TENM2: variants seen among roughly 807,000 people sequenced by gnomAD.
TENM2 encodes the protein teneurin-2.
In TENM2, 52 loss-of-function variants were observed where a neutral mutation model predicts 245.2. That is an observed-to-expected ratio of 0.21 (90% CI 0.17 to 0.27). TENM2 has a LOEUF of 0.27. Among genes scored for constraint, TENM2 ranks in the 10% least tolerant of loss-of-function variants. TENM2 has a pLI of 1.00. For synonymous variants in TENM2, 1,363 were observed against 1,438.9 expected, an observed-to-expected ratio of 0.95 and a Z score of 1.19; for missense variants, 3,046 against 3,666.8, an observed-to-expected ratio of 0.83 and a Z score of 4.37.
chr5:167,512,481 T>C (rs1770034387), intron 2 of TENM2, among the ~76,000 whole-genome samples: 1 of 152,066 alleles, frequency 6.6e-6, no homozygotes, highest in South Asian at 2.1e-4. Context: ...TTATACAGAT[T>C]ACAATCCCTA....
intron 2 of TENM2, among the ~76,000 whole-genome samples, chr5:167,667,836 A>G (rs1755672111): frequency 6.6e-6 from 1 of 152,178 alleles, no homozygotes; most frequent in African/African-American, 2.4e-5. Context: ...TGTGTTGTGA[A>G]GGCCAGGGAA....
At chr5:167,162,857 A>G in the TENM2 span, among the ~76,000 whole-genome samples, 2 of 152,172 alleles carry the variant, frequency 1.3e-5, no homozygotes, top group Non-Finnish European at 2.9e-5. Context: ...AATTATTTCA[A>G]CCTGTTGAGA....
intron 2 of TENM2, among the ~76,000 whole-genome samples, chr5:167,726,867 T>C (rs1760045847): frequency 6.6e-6 from 1 of 152,146 alleles, no homozygotes; most frequent in Non-Finnish European, 1.5e-5. Flanking sequence ...GCAACATTCC[T>C]CAACTCCCCT....
intron 2 of TENM2, among the ~76,000 whole-genome samples, chr5:167,418,651 A>ATT (rs1763307043): frequency 6.6e-6 from 1 of 152,172 alleles, no homozygotes; most frequent in Non-Finnish European, 1.5e-5. Flanking sequence ...ATACTTTTAA[A>ATT]ACCTTATGTG....
rs181748973 is a variant in TENM2 at position 168,081,343 on chromosome 5, G to A, written c.1516-9231G>A. 4.1e-4 allele frequency among the ~76,000 whole-genome samples: 63 copies of A among 152,164 alleles called. 1 individual carries two copies. The highest frequency in any genetic ancestry group is 1.4e-3 in the African/African-American group (59 of 41,530). On this transcript the variant is annotated intron_variant, in intron 7 of 28. Transcript: ENST00000518659. ...GTGTGTGTCTCTGCATGTGGGATGG[G>A]TCTCCTGAATACAGCACACTGATGG...
At chr5:168,126,827 A>G (rs1029660161) in exon 12 of TENM2, 2 of 1,613,014 alleles carry the variant, frequency 1.2e-6, no homozygotes, top group Non-Finnish European at 8.5e-7. Flanking sequence ...AGGGCTGGAC[A>G]GGCGCAGCGT....
chr5:167,534,102 G>A lies in TENM2; in HGVS notation c.502+158629G>A, dbSNP rs531434273. 4.6e-5 allele frequency among the ~76,000 whole-genome samples: 7 copies of A among 152,274 alleles called. No individual in the cohort carries two copies. In the East Asian group the frequency reaches 1.4e-3, roughly 29 times the overall value. ...ATAAGAGCTGAATAACTAAAGATGC[G>A]ACCCTGCCAGTGGTGTCCAAATGTG... On this transcript the variant is annotated intron_variant, in intron 2 of 28. Transcript: ENST00000518659.
intron 6 of TENM2, among the ~76,000 whole-genome samples, chr5:168,049,942 A>C (rs1389000285): frequency 6.6e-6 from 1 of 152,106 alleles, no homozygotes; most frequent in Non-Finnish European, 1.5e-5. Context: ...GGCTGGGACT[A>C]CAGGCATGTG....
At chr5:167,888,279 T>C (rs1411601323) in intron 3 of TENM2, among the ~76,000 whole-genome samples, 3 of 152,164 alleles carry the variant, frequency 2.0e-5, no homozygotes, top group East Asian at 1.9e-4. Context: ...TTGACTGCAT[T>C]CACCATTAGA....
the TENM2 span, among the ~76,000 whole-genome samples, chr5:167,202,710 C>T: frequency 3.1e-3 from 469 of 152,196 alleles, 1 homozygote; most frequent in African/African-American, 0.011. Context: ...TCCATTACCC[C>T]AAATCAGGAC....
At chr5:167,356,217 A>AAAAAAAAAAAAAGAAAAATT (rs1759321624) in intron 1 of TENM2, among the ~76,000 whole-genome samples, 29 of 129,142 alleles carry the variant, frequency 2.2e-4, no homozygotes, top group African/African-American at 9.3e-4. Flanking sequence ...AAAAAAAAAA[A>AAAAAAAAAAAAAGAAAAATT]AAAATTAAAA....
chr5:167,723,537 A>G (rs573196793), intron 2 of TENM2, among the ~76,000 whole-genome samples: 20 of 152,276 alleles, frequency 1.3e-4, no homozygotes, highest in African/African-American at 3.9e-4. Context: ...CAAGGCTCTT[A>G]TATCTAGCAG....
rs1554157771 is a variant in TENM2 at position 167,452,950 on chromosome 5, T to TATTTTTTTTTTTTTAA, written c.502+77479_502+77480insTTTTTTTTTTTTAAAT. Among the ~76,000 whole-genome samples the TATTTTTTTTTTTTTAA allele has an allele frequency of 8.0e-5, 8 of 99,630 alleles. 1 individual carries two copies. The highest frequency in any genetic ancestry group is 2.7e-4 in the African/African-American group (8 of 29,432). The allele number at this position is 99,630 out of a possible 152,430, so 65.4% of individuals were successfully genotyped here. On this transcript the variant is annotated intron_variant, in intron 2 of 28. Transcript: ENST00000518659. ...TATGATTTATATATATATATATATA[T>TATTTTTTTTTTTTTAA]ATATATATATATTTAAAAAAAAAAA...
At chr5:167,870,823 A>C (rs1772770481) in intron 2 of TENM2, among the ~76,000 whole-genome samples, 1 of 151,644 alleles carries the variant, frequency 6.6e-6, no homozygotes, top group South Asian at 2.1e-4. Flanking sequence ...TGCTTCATCA[A>C]ATATCCTGAC....
At chr5:167,420,017 T>C (rs1763401196) in intron 2 of TENM2, among the ~76,000 whole-genome samples, 1 of 152,134 alleles carries the variant, frequency 6.6e-6, no homozygotes, top group African/African-American at 2.4e-5. Flanking sequence ...GTAAGTGTAA[T>C]AATTAAAATA....
At chr5:167,484,691 T>A (rs1407113390) in intron 2 of TENM2, among the ~76,000 whole-genome samples, 1 of 152,160 alleles carries the variant, frequency 6.6e-6, no homozygotes, top group East Asian at 1.9e-4. Flanking sequence ...CTAAAGAAAG[T>A]AAGACACAAA....
At chr5:167,167,415 C>T in the TENM2 span, among the ~76,000 whole-genome samples, 1 of 152,138 alleles carries the variant, frequency 6.6e-6, no homozygotes, top group Non-Finnish European at 1.5e-5. Context: ...GCATCAATCC[C>T]CTCTTGATCC....
chr5:167,841,312 T>C (rs1401130100), intron 2 of TENM2, among the ~76,000 whole-genome samples: 1 of 152,160 alleles, frequency 6.6e-6, no homozygotes, highest in Non-Finnish European at 1.5e-5. Flanking sequence ...CCGCCTTGGC[T>C]TCCCAAAGTA....
intron 2 of TENM2, among the ~76,000 whole-genome samples, chr5:167,462,175 A>ACCC (rs1475191708): frequency 0.058 from 3,008 of 52,104 alleles, 78 homozygotes; most frequent in Middle Eastern, 0.11. Flanking sequence ...GAGTTCCCTG[A>ACCC]CCCCCACCCC....
Sources: gnomAD v4.1 joint callset for allele counts (sites outside exome capture counted in the v4.1 genomes callset) on GRCh38, gnomAD v4.1.1 for gene constraint, MANE v1.5 for transcripts, NCBI Gene and HGNC (gene_info 2026-07-23, HGNC 2026-07-21) for gene names.